Variants in STPG2 observed in about 807,000 individuals in gnomAD.
STPG2 encodes the protein sperm tail PG-rich repeat containing 2, also known as sperm-tail PG-rich repeat-containing protein 2.
STPG2 carries 56 observed loss-of-function variants against 54.2 expected under a neutral mutation model. The ratio of observed to expected loss-of-function variants is 1.03; its 90% CI spans 0.83 to 1.29. The LOEUF (loss-of-function observed/expected upper bound fraction) is 1.29. Ranked by LOEUF, STPG2 falls within the 50% of genes most tolerant of loss-of-function variation. The pLI is 0.00. For synonymous variants in STPG2, 200 were observed against 181.8 expected, an observed-to-expected ratio of 1.10 and a Z score of -0.81; for missense variants, 596 against 544.9, an observed-to-expected ratio of 1.09 and a Z score of -0.93.
chr4:97,738,070 G>A (rs1379885021), intron 9 of STPG2, among the ~76,000 whole-genome samples: 1 of 152,156 alleles, frequency 6.6e-6, no homozygotes, highest in Non-Finnish European at 1.5e-5. Context: ...CATTCTTAAA[G>A]AAAAGAATGT....
At chr4:97,637,005 A>T (rs1248290364) in intron 10 of STPG2, among the ~76,000 whole-genome samples, 11 of 152,240 alleles carry the variant, frequency 7.2e-5, no homozygotes, top group African/African-American at 2.7e-4. Context: ...GGCCAGCATC[A>T]TCCTGATACC....
chr4:97,952,687 C>G (rs1733519248), intron 7 of STPG2, among the ~76,000 whole-genome samples: 1 of 152,148 alleles, frequency 6.6e-6, no homozygotes, highest in Non-Finnish European at 1.5e-5. Flanking sequence ...AGGGGAGGGT[C>G]ATAGACTCTA....
rs536706785 is a variant in STPG2 at position 97,539,683 on chromosome 4, C to A, written c.462+173016G>T. ...TCCAGGAATTGAACTCAGCTCTGCA[C>A]CTAATAGACCTAAGTGGACCTAACA... is the stretch of plus-strand genomic sequence containing the variant. On this transcript the variant is annotated intron_variant, in intron 4 of 4. Transcript: ENST00000522676. Among the ~76,000 whole-genome samples, 11 of 152,254 alleles carry A rather than the reference C, an allele frequency of 7.2e-5. No homozygotes were observed. The South Asian group carries it at 2.3e-3, about 32-fold the overall frequency.
At chr4:97,702,821 G>C (rs1723816484) in intron 10 of STPG2, among the ~76,000 whole-genome samples, 1 of 152,118 alleles carries the variant, frequency 6.6e-6, no homozygotes, top group Admixed American at 6.6e-5. Flanking sequence ...ATTAATAGTA[G>C]ACACCTGGTG....
chr4:97,568,908 T>TTTTG (rs1553938774), intron 10 of STPG2, among the ~76,000 whole-genome samples: 65 of 150,604 alleles, frequency 4.3e-4, no homozygotes, highest in African/African-American at 1.5e-3. Context: ...TTGTTTTTTT[T>TTTTG]TTTGTTTGTT....
At chr4:97,759,838 G>C (rs1725839135) in intron 9 of STPG2, among the ~76,000 whole-genome samples, 1 of 152,062 alleles carries the variant, frequency 6.6e-6, no homozygotes, top group African/African-American at 2.4e-5. Flanking sequence ...CAGTTTTGGA[G>C]ACTCTAGGAA....
intron 5 of STPG2, among the ~76,000 whole-genome samples, chr4:98,101,428 C>T (rs576166806): frequency 2.0e-5 from 3 of 152,060 alleles, no homozygotes; most frequent in African/African-American, 7.2e-5. Flanking sequence ...CCTAAGTTTT[C>T]TACTTGCCCA....
intron 10 of STPG2, among the ~76,000 whole-genome samples, chr4:97,598,272 T>C (rs1319794127): frequency 6.6e-6 from 1 of 152,054 alleles, no homozygotes; most frequent in Admixed American, 6.6e-5. Context: ...CCATGCTTAC[T>C]GATAGGAAGA....
intron 4 of STPG2, among the ~76,000 whole-genome samples, chr4:97,547,167 A>C (rs1731851591): frequency 6.6e-6 from 1 of 152,120 alleles, no homozygotes; most frequent in South Asian, 2.1e-4. Context: ...CCCAGTCATC[A>C]TGCCATAATA....
In STPG2 at chr4:97,614,298, ATT is replaced by A. The variant is rs10708905; in HGVS notation, c.1321-55183_1321-55182del. ...AGAAAAATATGTGCCCTCTAAAGAG[ATT>A]TTTTTTTTTTTTAAGATTAGGAAAC... On this transcript the variant is annotated intron_variant, in intron 10 of 10. Coordinates refer to ENST00000295268, the MANE Select transcript of STPG2 (RefSeq NM_174952.3). Among the ~76,000 whole-genome samples, 263 of 148,308 alleles carry A rather than the reference ATT, an allele frequency of 1.8e-3. 1 individual carries two copies. Among genetic ancestry groups the A allele is most frequent in the Middle Eastern group, 7.1e-3 (2 of 282 alleles).
intron 4 of STPG2, among the ~76,000 whole-genome samples, chr4:97,454,236 G>A (rs575040504): frequency 1.1e-4 from 17 of 152,062 alleles, no homozygotes; most frequent in Middle Eastern, 3.4e-3. Flanking sequence ...GGGATTCGCC[G>A]GGCACGGTGG....
chr4:97,843,648 C>T (rs1002758589), intron 8 of STPG2, among the ~76,000 whole-genome samples: 4 of 151,808 alleles, frequency 2.6e-5, no homozygotes, highest in Non-Finnish European at 4.4e-5. Context: ...ACAAACAAAT[C>T]AAAAGTAGTT....
intron 10 of STPG2, chr4:97,633,392 TACTC>T (rs967491733): frequency 2.0e-5 from 3 of 152,142 alleles, no homozygotes; most frequent in African/African-American, 4.8e-5. Context: ...AATGAAAACA[TACTC>T]AATAAAGTAA....
At chr4:97,490,665 G>C (rs929076392) in intron 4 of STPG2, among the ~76,000 whole-genome samples, 1 of 151,658 alleles carries the variant, frequency 6.6e-6, no homozygotes, top group Non-Finnish European at 1.5e-5. Context: ...CTGTCTGCAT[G>C]TATAGGTTGG....
chr4:97,756,654 C>T (rs1054087577), intron 9 of STPG2, among the ~76,000 whole-genome samples: 7 of 152,046 alleles, frequency 4.6e-5, no homozygotes, highest in African/African-American at 1.7e-4. Flanking sequence ...ATGATTTTGC[C>T]TGCTACTTCA....
chr4:97,614,835 A>G (rs191213641), intron 10 of STPG2, among the ~76,000 whole-genome samples: 1 of 152,230 alleles, frequency 6.6e-6, no homozygotes, highest in Admixed American at 6.6e-5. Flanking sequence ...TTTTTGCTCA[A>G]CTTTAATGTT....
intron 9 of STPG2, among the ~76,000 whole-genome samples, chr4:97,800,002 G>A (rs1195861936): frequency 2.0e-5 from 3 of 152,048 alleles, no homozygotes; most frequent in East Asian, 3.9e-4. Flanking sequence ...AATTTGTCAC[G>A]TAGTTCTCGT....
intron 8 of STPG2, among the ~76,000 whole-genome samples, chr4:97,900,036 C>T (rs907264489): frequency 6.6e-6 from 1 of 151,928 alleles, no homozygotes; most frequent in Non-Finnish European, 1.5e-5. Context: ...TGACAAAGGT[C>T]TAATATCCAG....
chr4:97,505,062 A>G (rs536873680), intron 4 of STPG2, among the ~76,000 whole-genome samples: 11 of 151,896 alleles, frequency 7.2e-5, no homozygotes, highest in Middle Eastern at 3.4e-3. Flanking sequence ...TTTCATTTAG[A>G]TAATCTAAGT....
Sources: allele counts gnomAD v4.1 joint callset (sites outside exome capture counted in the v4.1 genomes callset), GRCh38; gene constraint gnomAD v4.1.1; transcripts MANE v1.5; gene names NCBI Gene and HGNC (gene_info 2026-07-23, HGNC 2026-07-21).